Variants in TUT7 observed in about 807,000 individuals in gnomAD.
TUT7 encodes terminal uridylyltransferase 7.
TUT7 carries 33 observed loss-of-function variants against 165.9 expected under a neutral mutation model. The observed-to-expected ratio is 0.20, with a 90% confidence interval of 0.15 to 0.27. TUT7 has a LOEUF of 0.27. Among genes scored for constraint, TUT7 ranks in the 10% least tolerant of loss-of-function variants. TUT7 has a pLI of 1.00. For missense variants in TUT7, 1,338 were observed against 1,762.3 expected (o/e 0.76, Z 4.31); for synonymous variants, 552 against 608.1 (o/e 0.91, Z 1.36).
chr9:86,347,480 T>C (rs1423004351), intron 2 of TUT7, among the ~76,000 whole-genome samples: 1 of 152,018 alleles, frequency 6.6e-6, no homozygotes, highest in Non-Finnish European at 1.5e-5. Context: ...CTCCATCAAG[T>C]TTTCAGAGGA....
At chr9:86,317,803 A>C (rs767885778) in intron 16 of TUT7, among the ~76,000 whole-genome samples, 3 of 152,248 alleles carry the variant, frequency 2.0e-5, no homozygotes, top group Non-Finnish European at 4.4e-5. Flanking sequence ...AGTATTTGAT[A>C]AATCATTCTT....
intron 22 of TUT7, among the ~76,000 whole-genome samples, chr9:86,307,133 C>T (rs1429003272): frequency 5.9e-5 from 9 of 151,920 alleles, no homozygotes; most frequent in East Asian, 1.9e-4. Context: ...ATTAGCCAGG[C>T]GTGGTGGCAC....
Position 86,288,652 on chromosome 9 carries a change from T to C in TUT7, c.*25A>G, listed in dbSNP as rs770422026. ...GTGAATAGGAACGCCTGAGTGGCCA[T>C]TTAGAGTGCTGCATTTTCCTTCCCT... On this transcript the variant is annotated 3_prime_UTR_variant, in exon 27 of 27. Coordinates refer to ENST00000375963, the MANE Select transcript of TUT7 (RefSeq NM_024617.4). The C allele has an allele frequency of 1.2e-6, 2 of 1,606,288 alleles. No homozygotes were observed. The highest frequency in any genetic ancestry group is 2.2e-5 in the South Asian group (2 of 90,796).
chr9:86,321,034 T>C (rs1238943701), intron 14 of TUT7, among the ~76,000 whole-genome samples: 1 of 152,072 alleles, frequency 6.6e-6, no homozygotes, highest in African/African-American at 2.4e-5. Flanking sequence ...GCCAGGGAAG[T>C]GTGTCCAGGC....
chr9:86,309,605 G>A (rs768845356), intron 19 of TUT7, 29 bp from the exon 20 acceptor site: 4 of 1,545,406 alleles, frequency 2.6e-6, no homozygotes, highest in Admixed American at 1.8e-5. Flanking sequence ...AAGAACAAAG[G>A]AAAGGTCTGT....
intron 24 of TUT7, 28 bp from the exon 25 acceptor site, chr9:86,303,229 T>C: frequency 7.7e-7 from 1 of 1,300,850 alleles, no homozygotes; most frequent in Non-Finnish European, 1.1e-6. Context: ...TATAAAAGCC[T>C]GAACTATTCA....
intron 8 of TUT7, among the ~76,000 whole-genome samples, chr9:86,339,501 G>A (rs987934124): frequency 6.6e-6 from 1 of 152,136 alleles, no homozygotes; most frequent in Non-Finnish European, 1.5e-5. Flanking sequence ...CTGGGCAACA[G>A]AGCGAGACTC....
At chr9:86,290,486 C>T (rs989665811) in intron 26 of TUT7, among the ~76,000 whole-genome samples, 1 of 151,906 alleles carries the variant, frequency 6.6e-6, no homozygotes, top group Non-Finnish European at 1.5e-5. Context: ...TTATTTATGC[C>T]ACAAAGTGTC....
chr9:86,352,919 T>A lies in TUT7; in HGVS notation c.281A>T (p.His94Leu), dbSNP rs749325538. ...YSQPAWMNDS[H>L]KDQSKRWLSD... ...CAGCCATCTCTTACTCTGATCTTTG[T>A]GGCTGTCATTCATCCAAGCGGGTTG... The change falls in exon 2 of 27, where the codon CAC becomes CTC. Residue 94 changes from histidine (H) to leucine (L), a missense_variant. Physicochemically the swap from His to Leu is moderately conservative, Grantham distance 99. Transcript: ENST00000375963. 5.0e-6 allele frequency: 8 copies of A among 1,614,110 alleles called. No homozygotes were observed. The highest frequency in any genetic ancestry group is 6.8e-6 in the Non-Finnish European group (8 of 1,180,052).
intron 22 of TUT7, among the ~76,000 whole-genome samples, chr9:86,308,156 G>C (rs1026963277): frequency 6.6e-6 from 1 of 152,284 alleles, no homozygotes; most frequent in African/African-American, 2.4e-5. Flanking sequence ...GGTTGTAGAA[G>C]TCCCACTTTC....
intron 26 of TUT7, among the ~76,000 whole-genome samples, chr9:86,295,717 A>G (rs1826252868): frequency 6.6e-6 from 1 of 152,176 alleles, no homozygotes; most frequent in African/African-American, 2.4e-5. Context: ...ATTCTGGTCA[A>G]TGATAAAAGC....
intron 24 of TUT7, among the ~76,000 whole-genome samples, chr9:86,303,899 T>C (rs1244552317): frequency 6.6e-6 from 1 of 152,182 alleles, no homozygotes; most frequent in Non-Finnish European, 1.5e-5. Flanking sequence ...ATAAATCAGA[T>C]GTACAGATGT....
Position 86,334,359 on chromosome 9 carries a change from A to G in TUT7, c.1455+3060T>C, listed in dbSNP as rs560025427. Among the ~76,000 whole-genome samples, 12 of 152,306 alleles carry G rather than the reference A, an allele frequency of 7.9e-5. No homozygotes were observed. In the East Asian group the frequency reaches 2.1e-3, roughly 27 times the overall value. ...TTCCTGGAGGTATAACTCACACAAA[A>G]GTCTGAGGAAGCCCTCCTAAGAATG... On this transcript the variant is annotated intron_variant, in intron 10 of 26. Coordinates refer to ENST00000375963, the MANE Select transcript of TUT7 (RefSeq NM_024617.4).
chr9:86,324,345 T>C (rs1318316368), intron 12 of TUT7: 1 of 157,954 alleles, frequency 6.3e-6, no homozygotes, highest in African/African-American at 2.4e-5. Flanking sequence ...CCAGGCCCTG[T>C]GGTTTATCGA....
At chr9:86,350,998 G>A (rs1832242105) in intron 2 of TUT7, among the ~76,000 whole-genome samples, 1 of 151,936 alleles carries the variant, frequency 6.6e-6, no homozygotes, top group African/African-American at 2.4e-5. Flanking sequence ...GCTGGGCATG[G>A]TGGTGTGCAC....
rs754769839 is a variant in TUT7, at chr9:86,308,550, C to T, written c.3717G>A (p.Leu1239=). Residue 1239 remains leucine (L), a synonymous_variant, in exon 22 of 27, where the codon TTG becomes TTA. Coordinates refer to ENST00000375963, the MANE Select transcript of TUT7 (RefSeq NM_024617.4). The part of the protein sequence containing the change: ...KNTESVGQLW[L]GLLRFYTEEF... ...CCTCTGTGTAGAAACGAAGAAGGCC[C>T]AACCATAACTGCCCAACAGATTCTG... The T allele has an allele frequency of 8.7e-6, 14 of 1,613,770 alleles. No individual in the cohort carries two copies. In the Admixed American group the frequency reaches 2.3e-4, roughly 27 times the overall value.
At chr9:86,339,390 C>T (rs1831127072) in intron 8 of TUT7, among the ~76,000 whole-genome samples, 1 of 152,080 alleles carries the variant, frequency 6.6e-6, no homozygotes, top group Non-Finnish European at 1.5e-5. Flanking sequence ...TGGTGGTGGG[C>T]ACCTGTACTC....
Position 86,343,117 on chromosome 9 carries a change from G to A in TUT7, c.1044C>T (p.Phe348=). 1 of 1,603,352 alleles carries A rather than the reference G, an allele frequency of 6.2e-7. No individual in the cohort carries two copies. The change falls in exon 6 of 27, where the codon TTC becomes TTT. Residue 348 remains phenylalanine, a synonymous_variant. Coordinates refer to ENST00000375963, the MANE Select transcript of TUT7 (RefSeq NM_024617.4). ...LYGSSCSRLG[F]KNSDVNIDIQ... ...TGTCAATGTTTACATCCGAATTTTT[G>A]AAACCCAATCTGCTACAGGATGACC...
chr9:86,303,280 T>G (rs1489338715), intron 24 of TUT7, 79 bp from the exon 25 acceptor site: 2 of 633,528 alleles, frequency 3.2e-6, no homozygotes, highest in Non-Finnish European at 5.5e-6. Context: ...ATTAAACAGT[T>G]ATCTTACAAT....
Sources: allele counts gnomAD v4.1 joint callset (sites outside exome capture counted in the v4.1 genomes callset), GRCh38; gene constraint gnomAD v4.1.1; transcripts MANE v1.5; gene names NCBI Gene and HGNC (gene_info 2026-07-23, HGNC 2026-07-21).